Variants in CDH8 observed in about 807,000 individuals in gnomAD.
CDH8 encodes cadherin-8.
In CDH8, 17 loss-of-function variants were observed where a neutral mutation model predicts 68.1. The observed-to-expected ratio is 0.25, with a 90% CI of 0.17 to 0.37. CDH8 has a LOEUF of 0.37. Ranked by LOEUF, CDH8 falls within the 10% of genes least tolerant of loss-of-function variation. The pLI is 1.00. For missense variants in CDH8, 763 were observed against 999.3 expected, an observed-to-expected ratio of 0.76 and a Z score of 3.19; for synonymous variants, 372 against 365.1, an observed-to-expected ratio of 1.02 and a Z score of -0.21.
intron 2 of CDH8, among the ~76,000 whole-genome samples, chr16:61,910,093 G>A (rs540348338): frequency 6.6e-6 from 1 of 152,058 alleles, no homozygotes; most frequent in Non-Finnish European, 1.5e-5. Context: ...TTATTATGAT[G>A]AGCAAATTAT....
chr16:61,739,884 C>CATATATATATATATATATATATATATAT (rs35095367), intron 8 of CDH8, among the ~76,000 whole-genome samples: 1 of 101,476 alleles, frequency 9.9e-6, no homozygotes, highest in Non-Finnish European at 1.9e-5. Flanking sequence ...CAACATATTC[C>CATATATATATATATATATATATATATAT]ATATATATAT....
At chr16:61,858,663 T>C (rs1963094672) in intron 3 of CDH8, among the ~76,000 whole-genome samples, 2 of 152,112 alleles carry the variant, frequency 1.3e-5, no homozygotes, top group African/African-American at 4.8e-5. Flanking sequence ...AATCAATATC[T>C]ATGGGGGGAG....
intron 7 of CDH8, among the ~76,000 whole-genome samples, chr16:61,792,385 C>T (rs930607949): frequency 6.6e-6 from 1 of 151,970 alleles, no homozygotes; most frequent in Non-Finnish European, 1.5e-5. Flanking sequence ...TTTTGGAAAA[C>T]TCCTGCTGCT....
At chr16:61,819,969 A>G (rs1596995162) in intron 6 of CDH8, among the ~76,000 whole-genome samples, 1 of 152,116 alleles carries the variant, frequency 6.6e-6, no homozygotes, top group African/African-American at 2.4e-5. Flanking sequence ...TTTTGTGACT[A>G]TAAAGAATGA....
At chr16:61,709,024 T>A (rs1964581669) in intron 10 of CDH8, among the ~76,000 whole-genome samples, 2 of 152,220 alleles carry the variant, frequency 1.3e-5, no homozygotes, top group African/African-American at 4.8e-5. Flanking sequence ...ACTATCATAC[T>A]CATGCAAGTA....
At chr16:61,920,960 T>G (rs1385748192) in intron 2 of CDH8, among the ~76,000 whole-genome samples, 4 of 148,564 alleles carry the variant, frequency 2.7e-5, no homozygotes, top group Non-Finnish European at 5.9e-5. Context: ...TGTAGGGACA[T>G]GGATGAAATT....
intron 3 of CDH8, among the ~76,000 whole-genome samples, chr16:61,874,705 C>G (rs1285596224): frequency 6.6e-6 from 1 of 152,072 alleles, no homozygotes; most frequent in Non-Finnish European, 1.5e-5. Flanking sequence ...TACAACAGCC[C>G]CAATTGAGAA....
chr16:61,670,753 C>T (rs1201939149), intron 10 of CDH8, among the ~76,000 whole-genome samples: 1 of 151,880 alleles, frequency 6.6e-6, no homozygotes, highest in Admixed American at 6.6e-5. Flanking sequence ...GCATTGAACC[C>T]TATATTTACT....
intron 1 of CDH8, among the ~76,000 whole-genome samples, chr16:62,034,180 A>ATC (rs1254648112): frequency 2.8e-4 from 42 of 151,606 alleles, no homozygotes; most frequent in African/African-American, 9.9e-4. Context: ...TCATATATAT[A>ATC]TCTCTCTCTC....
intron 10 of CDH8, among the ~76,000 whole-genome samples, chr16:61,676,671 T>C (rs1963918248): frequency 6.6e-6 from 1 of 152,116 alleles, no homozygotes; most frequent in African/African-American, 2.4e-5. Flanking sequence ...TTTGAAAGAC[T>C]GAATATTTTT....
chr16:61,941,900 A>G lies in CDH8; in HGVS notation c.253-40427T>C, dbSNP rs561128565. On this transcript the variant is annotated intron_variant, in intron 2 of 11. Coordinates refer to ENST00000577390, the MANE Select transcript of CDH8 (RefSeq NM_001796.5). ...TCTATTTACACACTCTCCTTAGGAG[A>G]TCTTATCTCATCCTTTGATCTCTCC... Among the ~76,000 whole-genome samples, 92 of 152,078 alleles carry G rather than the reference A, an allele frequency of 6.0e-4. 1 individual carries two copies. The highest frequency in any genetic ancestry group is 2.2e-3 in the African/African-American group (91 of 41,450).
chr16:61,965,902 T>C (rs1965241388), intron 2 of CDH8, among the ~76,000 whole-genome samples: 1 of 152,206 alleles, frequency 6.6e-6, no homozygotes, highest in South Asian at 2.1e-4. Context: ...CATATTCCTG[T>C]ATTATCCTTC....
At position 61,652,506 on chromosome 16, in the gene CDH8, T is replaced by C; in HGVS notation, c.*1102A>G. 9.9e-7 allele frequency: 1 copy of C among 1,005,862 alleles called. No homozygotes were observed. The highest frequency in any genetic ancestry group is 4.9e-4 in the Middle Eastern group (1 of 2,034). 62.3% of individuals were successfully genotyped at this position (1,005,862 alleles called of 1,614,324 possible). On this transcript the variant is annotated 3_prime_UTR_variant, in exon 12 of 12. Coordinates refer to ENST00000577390, the MANE Select transcript of CDH8 (RefSeq NM_001796.5). ...CAGTCCAAAAGTTTGTCTGGGAAGA[T>C]GCTGTTCCTGCCATCTCCAGTTACA...
chr16:61,879,079 A>G (rs1963518139), intron 3 of CDH8, among the ~76,000 whole-genome samples: 1 of 152,212 alleles, frequency 6.6e-6, no homozygotes. Flanking sequence ...TGTGAATCTT[A>G]TATTTCATTG....
intron 2 of CDH8, among the ~76,000 whole-genome samples, chr16:61,950,161 G>A (rs1035444079): frequency 6.6e-6 from 1 of 152,166 alleles, no homozygotes. Context: ...GTCTATAAAG[G>A]ATGAACACAA....
chr16:61,769,198 A>G (rs1960713994), intron 8 of CDH8, among the ~76,000 whole-genome samples: 2 of 151,862 alleles, frequency 1.3e-5, no homozygotes, highest in African/African-American at 2.4e-5. Context: ...TCAACCTTGC[A>G]GAACGCTTAA....
At chr16:61,738,729 T>A (rs895542354) in intron 8 of CDH8, among the ~76,000 whole-genome samples, 2 of 152,178 alleles carry the variant, frequency 1.3e-5, no homozygotes, top group Non-Finnish European at 2.9e-5. Context: ...TTTTAATTAT[T>A]TAAGTATGCT....
chr16:61,998,807 GT>G (rs1965848087), intron 2 of CDH8, among the ~76,000 whole-genome samples: 1 of 152,098 alleles, frequency 6.6e-6, no homozygotes, highest in African/African-American at 2.4e-5. Context: ...ATAAAACTGA[GT>G]TGCTGATTCC....
intron 2 of CDH8, among the ~76,000 whole-genome samples, chr16:61,922,292 T>G (rs548272101): frequency 5.9e-5 from 9 of 152,312 alleles, no homozygotes; most frequent in African/African-American, 1.9e-4. Flanking sequence ...ATATTTTCCA[T>G]GCAAATTTTG....
Sources: allele counts gnomAD v4.1 joint callset (sites outside exome capture counted in the v4.1 genomes callset), GRCh38; gene constraint gnomAD v4.1.1; transcripts MANE v1.5; gene names NCBI Gene and HGNC (gene_info 2026-07-23, HGNC 2026-07-21).